The following EGFR variants were observed in gnomAD, a reference collection of about 807,000 sequenced individuals.
EGFR encodes avian erythroblastic leukemia viral (v-erb-b) oncogene homolog.
EGFR carries 58 observed loss-of-function variants against 143.0 expected under a neutral mutation model. The observed-to-expected ratio is 0.41, with a 90% CI of 0.33 to 0.50. The LOEUF (loss-of-function observed/expected upper bound fraction) is 0.50, where lower values mean the gene tolerates loss of function less well. Among genes scored for constraint, EGFR ranks in the 20% least tolerant of loss-of-function variants. The pLI is 0.39. For missense variants in EGFR, 1,307 were observed against 1,579.0 expected (o/e 0.83, Z 2.92); for synonymous variants, 613 against 594.4 (o/e 1.03, Z -0.45).
At chr7:55,034,653 G>C (rs1417413160) in intron 1 of EGFR, among the ~76,000 whole-genome samples, 2 of 152,172 alleles carry the variant, frequency 1.3e-5, no homozygotes, top group Non-Finnish European at 2.9e-5. Context: ...CCAACCATCT[G>C]TCCTTCCTCT....
intron 1 of EGFR, among the ~76,000 whole-genome samples, chr7:55,034,847 C>T (rs185690557): frequency 6.6e-5 from 10 of 152,314 alleles, no homozygotes; most frequent in Admixed American, 3.3e-4. Flanking sequence ...GAAAAGCTAA[C>T]GGTTCAAAGT....
chr7:55,112,206 T>G (rs1467118909), intron 1 of EGFR, among the ~76,000 whole-genome samples: 1 of 152,234 alleles, frequency 6.6e-6, no homozygotes, highest in African/African-American at 2.4e-5. Flanking sequence ...TCGGGTCTCA[T>G]TGTGACTCAC....
intron 16 of EGFR, among the ~76,000 whole-genome samples, chr7:55,171,947 C>T (rs1786370224): frequency 6.6e-6 from 1 of 152,204 alleles, no homozygotes; most frequent in Admixed American, 6.5e-5. Context: ...TTTTGGCATG[C>T]TCCTCCGCCC....
intron 1 of EGFR, among the ~76,000 whole-genome samples, chr7:55,090,891 G>A (rs888994915): frequency 1.3e-5 from 2 of 152,238 alleles, no homozygotes. Flanking sequence ...TTCTGATGTT[G>A]ATGGACCCAA....
chr7:55,128,680 T>C (rs1242894162), intron 1 of EGFR, among the ~76,000 whole-genome samples: 1 of 152,210 alleles, frequency 6.6e-6, no homozygotes, highest in Non-Finnish European at 1.5e-5. Context: ...AATATCACTC[T>C]AGTTAGATCT....
In EGFR at chr7:55,206,942, G is replaced by C. The variant is rs775744651; in HGVS notation, c.*1325G>C. 1.3e-5 allele frequency: 3 copies of C among 233,050 alleles called. No homozygotes were observed. The highest frequency in any genetic ancestry group is 1.7e-5 in the Non-Finnish European group (2 of 117,990). The allele number at this position is 233,050 out of a possible 1,614,324, so 14.4% of individuals were successfully genotyped here. On this transcript the variant is annotated 3_prime_UTR_variant, in exon 28 of 28. Coordinates refer to ENST00000275493, the MANE Select transcript of EGFR (RefSeq NM_005228.5). ...GAAACTAGGGTTTGAAATTGATAAT[G>C]CTTTCACAACATTTGCAGATGTTTT...
chr7:55,051,284 A>C (rs1349298100), intron 1 of EGFR, among the ~76,000 whole-genome samples: 3 of 152,086 alleles, frequency 2.0e-5, no homozygotes, highest in Non-Finnish European at 4.4e-5. Flanking sequence ...TATGTCCCTC[A>C]AGCTTATGTG....
intron 5 of EGFR, 146 bp downstream of exon 5, chr7:55,151,508 T>C: frequency 3.5e-6 from 3 of 861,476 alleles, no homozygotes; most frequent in Non-Finnish European, 1.9e-6. Flanking sequence ...TGAAGGACAG[T>C]CTTGCAAATC....
At chr7:55,062,761 T>C (rs538115030) in intron 1 of EGFR, among the ~76,000 whole-genome samples, 6 of 152,214 alleles carry the variant, frequency 3.9e-5, no homozygotes, top group African/African-American at 1.4e-4. Context: ...GAAACGGACT[T>C]GTGGCATCTT....
At chr7:55,108,998 A>C (rs149711446) in intron 1 of EGFR, among the ~76,000 whole-genome samples, 1 of 152,320 alleles carries the variant, frequency 6.6e-6, no homozygotes, top group African/African-American at 2.4e-5. Flanking sequence ...ATACATTGTG[A>C]GGACGGTCAT....
At chr7:55,164,920 A>G (rs768428398) in intron 14 of EGFR, among the ~76,000 whole-genome samples, 22 of 152,186 alleles carry the variant, frequency 1.4e-4, no homozygotes, top group Admixed American at 3.3e-4. Flanking sequence ...CTTTAACTTC[A>G]ACTATAATAT....
intron 1 of EGFR, among the ~76,000 whole-genome samples, chr7:55,118,504 C>T (rs576427086): frequency 1.4e-3 from 207 of 152,324 alleles, no homozygotes; most frequent in African/African-American, 4.3e-3. Context: ...CTCCCCCACT[C>T]CCCGGCTGTG....
chr7:55,122,702 C>T (rs1476146578), intron 1 of EGFR, among the ~76,000 whole-genome samples: 2 of 152,240 alleles, frequency 1.3e-5, no homozygotes, highest in African/African-American at 4.8e-5. Flanking sequence ...CAGGACAGCT[C>T]AAGCATCAGA....
chr7:55,188,379 C>T (rs1246557129), intron 20 of EGFR, among the ~76,000 whole-genome samples: 2 of 152,098 alleles, frequency 1.3e-5, no homozygotes, highest in South Asian at 2.1e-4. Flanking sequence ...ACACAGCCCC[C>T]GCCCCTCACT....
intron 3 of EGFR, 60 bp from the exon 4 acceptor site, chr7:55,146,546 C>A (rs2128929282): frequency 6.2e-7 from 1 of 1,610,556 alleles, no homozygotes; most frequent in Non-Finnish European, 8.5e-7. Flanking sequence ...GCACATGCAT[C>A]CTTCATGGGA....
At chr7:55,170,844 C>G in intron 15 of EGFR, 3 of 1,412,666 alleles carry the variant, frequency 2.1e-6, no homozygotes, top group South Asian at 1.5e-5. Flanking sequence ...TTCTGCCCCT[C>G]TGTTTGAAAT....
intron 15 of EGFR, among the ~76,000 whole-genome samples, chr7:55,166,784 G>GGCA (rs1786028159): frequency 7.4e-6 from 1 of 135,880 alleles, no homozygotes; most frequent in Non-Finnish European, 1.5e-5. Flanking sequence ...TCACAATGTT[G>GGCA]GTGGTGTTGG....
chr7:55,201,250 T>C lies in EGFR; in HGVS notation c.3009T>C (p.Asp1003=). Residue 1003 remains aspartate, a synonymous_variant, in exon 25 of 28, where the codon GAT becomes GAC. Transcript: ENST00000275493. ...CCAACTTCTACCGTGCCCTGATGGA[T>C]GAAGAAGACATGGACGACGTGGTGG... ...TDSNFYRALM[D]EEDMDDVVDA... is the part of the protein sequence containing the mutation. 6.2e-7 allele frequency: 1 copy of C among 1,614,166 alleles called. No individual in the cohort carries two copies.
intron 1 of EGFR, among the ~76,000 whole-genome samples, chr7:55,079,620 C>G (rs932938876): frequency 1.3e-5 from 2 of 151,978 alleles, no homozygotes; most frequent in Non-Finnish European, 2.9e-5. Flanking sequence ...TTTCAAAATA[C>G]TGCACGGTTT....
Sources: gnomAD v4.1 joint callset for allele counts (sites outside exome capture counted in the v4.1 genomes callset) on GRCh38, gnomAD v4.1.1 for gene constraint, MANE v1.5 for transcripts, NCBI Gene and HGNC (gene_info 2026-07-23, HGNC 2026-07-21) for gene names.